Variants in IL21R observed in about 807,000 individuals in gnomAD.
The protein encoded by IL21R is interleukin-21 receptor.
IL21R carries 14 observed loss-of-function variants against 41.3 expected under a neutral mutation model. That is an observed-to-expected ratio of 0.34 (90% CI 0.22 to 0.53). The LOEUF is 0.53. Ranked by LOEUF, IL21R falls within the 20% of genes least tolerant of loss-of-function variation. The pLI, the probability that IL21R is intolerant of heterozygous loss-of-function variation, is 0.94. For missense variants in IL21R, 588 were observed against 681.6 expected (o/e 0.86, Z 1.53); for synonymous variants, 286 against 287.6 (o/e 0.99, Z 0.05).
At position 27,448,642 on chromosome 16, in the gene IL21R, G is replaced by A. The variant is rs1171960252; in HGVS notation, c.976G>A (p.Ala326Thr). The part of the protein sequence containing the change: ...VYSCHPPRSP[A>T]KRLQLTELQE... Reference sequence around the variant, plus strand: ...CAGCTGCCACCCACCACGGAGCCCGGCCAAGAGGCTGCAGCTCACGGAGCT... The same window carrying A: ...CAGCTGCCACCCACCACGGAGCCCGACCAAGAGGCTGCAGCTCACGGAGCT... Residue 326 changes from alanine (A) to threonine (T), a missense_variant, in exon 9 of 9, where the codon GCC becomes ACC. Transcript: ENST00000337929. 2 of 1,613,080 alleles carry A rather than the reference G, an allele frequency of 1.2e-6. No individual in the cohort carries two copies. Among genetic ancestry groups the A allele is most frequent in the Non-Finnish European group, 1.7e-6 (2 of 1,180,028 alleles).
chr16:27,418,667 G>A lies in IL21R; in HGVS notation c.-16-11389G>A, dbSNP rs181424676. On this transcript the variant is annotated intron_variant, in intron 1 of 8. Coordinates refer to ENST00000337929, the MANE Select transcript of IL21R (RefSeq NM_181078.3). ...TTACAGGCATGAGCCGCTGCGCCCC[G>A]CCAACATTTTTTCTTTATAAACATT... is the stretch of plus-strand genomic sequence containing the variant. 6.9e-3 allele frequency among the ~76,000 whole-genome samples: 1,048 copies of A among 152,152 alleles called. 5 individuals are homozygous for A. Among genetic ancestry groups the A allele is most frequent in the Non-Finnish European group, 8.9e-3 (603 of 67,954 alleles).
chr16:27,410,332 CAA>C (rs55702735), intron 1 of IL21R, among the ~76,000 whole-genome samples: 15 of 103,494 alleles, frequency 1.4e-4, no homozygotes, highest in Admixed American at 5.1e-4. Flanking sequence ...GACTCCATCT[CAA>C]AAAAAAAAAA....
At chr16:27,442,828 G>A (rs1457396003) in intron 4 of IL21R, 134 bp from the exon 5 acceptor site, 3 of 756,004 alleles carry the variant, frequency 4.0e-6, no homozygotes, top group East Asian at 5.4e-5. Context: ...AGGGTTGTTG[G>A]TCTTCATCTC....
rs578004579 is a variant in IL21R, at chr16:27,450,129, G to A, written c.*846G>A. ...GTGAGAACATCAATCGTCAGCGACAGCCTGGGCACCCGCGGGGCCGTCCCG... is the reference window on the plus strand; with the variant it reads ...GTGAGAACATCAATCGTCAGCGACAACCTGGGCACCCGCGGGGCCGTCCCG... On this transcript the variant is annotated 3_prime_UTR_variant, in exon 9 of 9. Coordinates refer to ENST00000337929, the MANE Select transcript of IL21R (RefSeq NM_181078.3). The A allele has an allele frequency of 4.7e-4, 109 of 232,938 alleles. No homozygotes were observed. The South Asian group carries it at 0.01, about 22-fold the overall frequency. The allele number at this position is 232,938 out of a possible 1,614,324, so 14.4% of individuals were successfully genotyped here. A position where few individuals can be genotyped will look rare whatever the true frequency, so the allele number is the denominator to read the frequency against.
intron 1 of IL21R, among the ~76,000 whole-genome samples, chr16:27,418,834 T>C (rs1220281828): frequency 6.6e-6 from 1 of 151,706 alleles, no homozygotes; most frequent in Admixed American, 6.6e-5. Flanking sequence ...TTTTTCTTTA[T>C]ATTCTTATTC....
chr16:27,403,316 T>C (rs2086689930), intron 1 of IL21R: 2 of 1,206,698 alleles, frequency 1.7e-6, no homozygotes, highest in South Asian at 1.3e-5. Flanking sequence ...GGAAGAACAT[T>C]CCTGGTGGAG....
chr16:27,430,595 C>T (rs75565013), intron 2 of IL21R, among the ~76,000 whole-genome samples: 3 of 152,122 alleles, frequency 2.0e-5, no homozygotes, highest in Non-Finnish European at 4.4e-5. Flanking sequence ...GAGGGTAGGT[C>T]GCTTGAGCTC....
intron 4 of IL21R, among the ~76,000 whole-genome samples, chr16:27,441,065 AAG>A (rs1331620368): frequency 0.012 from 1,684 of 146,264 alleles, 29 homozygotes; most frequent in African/African-American, 0.04. Context: ...AAAAAAAAAA[AAG>A]AAAGAAGAGA....
At chr16:27,430,355 AGCCCACAGGCTTGT>A in intron 2 of IL21R, among the ~76,000 whole-genome samples, 1 of 152,238 alleles carries the variant, frequency 6.6e-6, no homozygotes, top group Non-Finnish European at 1.5e-5. Flanking sequence ...CAGGTGGCCC[AGCCCACAGGCTTGT>A]GTCTTCGGGT....
Position 27,450,998 on chromosome 16 carries a change from G to A in IL21R, c.*1715G>A, listed in dbSNP as rs1004198790. 4.3e-6 allele frequency: 1 copy of A among 230,838 alleles called. No homozygotes were observed. The allele number at this position is 230,838 out of a possible 1,614,324, so 14.3% of individuals were successfully genotyped here. A position where few individuals can be genotyped will look rare whatever the true frequency, so the allele number is the denominator to read the frequency against. ...CATGAGAGTCCTCGGTGCCTGGCAG[G>A]AGGCTGGAAGGTTCTAGAACACTGA... On this transcript the variant is annotated 3_prime_UTR_variant, in exon 9 of 9. Coordinates refer to ENST00000337929, the MANE Select transcript of IL21R (RefSeq NM_181078.3).
chr16:27,424,916 T>TGAAGCA (rs2087051076), intron 1 of IL21R, among the ~76,000 whole-genome samples: 1 of 151,962 alleles, frequency 6.6e-6, no homozygotes, highest in Non-Finnish European at 1.5e-5. Flanking sequence ...AGGCTGAAGG[T>TGAAGCA]GAAGCAGAAG....
chr16:27,418,122 T>C (rs11074860), intron 1 of IL21R, among the ~76,000 whole-genome samples: 31,322 of 149,352 alleles, frequency 0.21, 4,063 homozygotes, highest in East Asian at 0.43. Context: ...CAGGCTGGAG[T>C]GCAGTGGCGT....
chr16:27,419,969 A>T lies in IL21R; in HGVS notation c.-16-10087A>T, dbSNP rs185172074. On this transcript the variant is annotated intron_variant, in intron 1 of 8. Coordinates refer to ENST00000337929, the MANE Select transcript of IL21R (RefSeq NM_181078.3). ...AGTGGCGCAATCTCGGCTCACTGCT[A>T]CCTCTGCCTCCCCATTCAAGTGATT... Among the ~76,000 whole-genome samples, 426 of 147,752 alleles carry T rather than the reference A, an allele frequency of 2.9e-3. 3 individuals are homozygous for T. The highest frequency in any genetic ancestry group is 0.01 in the African/African-American group (399 of 39,770).
At chr16:27,441,192 A>G (rs1464072835) in intron 4 of IL21R, among the ~76,000 whole-genome samples, 4 of 152,242 alleles carry the variant, frequency 2.6e-5, no homozygotes. Flanking sequence ...TCTGACACTA[A>G]TAGACACTTG....
chr16:27,425,533 C>G (rs1189055813), intron 1 of IL21R, among the ~76,000 whole-genome samples: 1 of 151,822 alleles, frequency 6.6e-6, no homozygotes. Flanking sequence ...TTAAACACTA[C>G]TCTCTCTTTT....
At chr16:27,442,615 G>A (rs2087409670) in intron 4 of IL21R, 1 of 161,046 alleles carries the variant, frequency 6.2e-6, no homozygotes, top group South Asian at 1.9e-4. Context: ...ACCTGCCTTG[G>A]CCTTCCAAAG....
In IL21R at chr16:27,442,959, A is replaced by G; in HGVS notation, c.353-3A>G. On this transcript the variant is annotated splice_polypyrimidine_tract_variant and splice_region_variant and intron_variant, in intron 4 of 8. Coordinates refer to ENST00000337929, the MANE Select transcript of IL21R (RefSeq NM_181078.3). ...TTTTCTTTTCCTGGGTTTTTCCACC[A>G]AGTCAAGCCGGCTCCCCCTTTCAAC... is the stretch of plus-strand genomic sequence containing the variant. 6.4e-7 allele frequency: 1 copy of G among 1,569,154 alleles called. No homozygotes were observed. The highest frequency in any genetic ancestry group is 8.6e-7 in the Non-Finnish European group (1 of 1,157,206).
chr16:27,434,874 C>T lies in IL21R; in HGVS notation c.152+425C>T, dbSNP rs552817808. 3.3e-5 allele frequency among the ~76,000 whole-genome samples: 5 copies of T among 152,280 alleles called. No individual in the cohort carries two copies. In the East Asian group the frequency reaches 9.6e-4, roughly 29 times the overall value. ...GCTGGAGCTGGGATTCAAATTCAGA[C>T]CGCCCAACTCCAAAGTCCATGGGTC... On this transcript the variant is annotated intron_variant, in intron 3 of 8. Coordinates refer to ENST00000337929, the MANE Select transcript of IL21R (RefSeq NM_181078.3).
chr16:27,416,777 C>G (rs1050723957), intron 1 of IL21R, among the ~76,000 whole-genome samples: 1 of 152,126 alleles, frequency 6.6e-6, no homozygotes, highest in Non-Finnish European at 1.5e-5. Context: ...CTCTATCCCC[C>G]CTCCCCTCAG....
Sources: allele counts gnomAD v4.1 joint callset (sites outside exome capture counted in the v4.1 genomes callset), GRCh38; gene constraint gnomAD v4.1.1; transcripts MANE v1.5; gene names NCBI Gene and HGNC (gene_info 2026-07-23, HGNC 2026-07-21).